Variants in GRIK4 observed in about 807,000 individuals in gnomAD.
GRIK4 encodes the protein glutamate receptor ionotropic, kainate 4.
A neutral mutation model predicts 104.9 loss-of-function variants in GRIK4; 40 were observed. The ratio of observed to expected loss-of-function variants is 0.38; its 90% CI spans 0.30 to 0.50. The LOEUF is 0.50. GRIK4 is among the 20% of genes least tolerant of loss of function. The pLI is 0.93. For synonymous variants in GRIK4, 485 were observed against 524.9 expected (o/e 0.92, Z 1.04); for missense variants, 1,047 against 1,308.1 (o/e 0.80, Z 3.08).
intron 3 of GRIK4, among the ~76,000 whole-genome samples, chr11:120,673,207 C>T (rs1478073304): frequency 6.6e-6 from 1 of 152,188 alleles, no homozygotes; most frequent in African/African-American, 2.4e-5. Context: ...TTGTTTAGTT[C>T]TCTGCTGTTT....
chr11:120,898,769 C>T (rs61409027), intron 12 of GRIK4, 130 bp downstream of exon 12: 114,031 of 632,646 alleles, frequency 0.18, 12,102 homozygotes, highest in East Asian at 0.45. Context: ...TTTATGACAG[C>T]GTAATTACAC....
intron 1 of GRIK4, among the ~76,000 whole-genome samples, chr11:120,553,346 G>C (rs1331192182): frequency 2.6e-5 from 4 of 152,206 alleles, no homozygotes; most frequent in Admixed American, 2.6e-4. Context: ...GGAAGAGTGG[G>C]AGGAGGGGCC....
chr11:120,590,747 T>C (rs148988154), intron 1 of GRIK4, among the ~76,000 whole-genome samples: 401 of 152,334 alleles, frequency 2.6e-3, no homozygotes, highest in South Asian at 5.2e-3. Flanking sequence ...TCCTTGCCTC[T>C]AGGCCTTGGC....
intron 3 of GRIK4, among the ~76,000 whole-genome samples, chr11:120,732,165 T>C (rs1209108134): frequency 6.6e-6 from 1 of 152,150 alleles, no homozygotes; most frequent in Non-Finnish European, 1.5e-5. Context: ...AGAGTCTCAC[T>C]CTGTTGCCCA....
chr11:120,896,049 A>G (rs947010050), intron 11 of GRIK4, among the ~76,000 whole-genome samples: 10 of 152,184 alleles, frequency 6.6e-5, no homozygotes, highest in East Asian at 1.9e-4. Context: ...CTGATAGACA[A>G]TGGTTTTCCC....
intron 3 of GRIK4, among the ~76,000 whole-genome samples, chr11:120,685,445 C>T (rs1049528159): frequency 1.3e-5 from 2 of 152,178 alleles, no homozygotes; most frequent in Non-Finnish European, 2.9e-5. Context: ...TACCCCTCAC[C>T]TGCCAGAGAT....
chr11:120,960,861 C>G, intron 16 of GRIK4, 48 bp from the exon 17 acceptor site: 1 of 1,534,274 alleles, frequency 6.5e-7, no homozygotes, highest in Non-Finnish European at 9.0e-7. Flanking sequence ...GGCCAAGACT[C>G]CAGGGAGTGC....
chr11:120,610,234 C>T (rs1483862993), intron 1 of GRIK4, among the ~76,000 whole-genome samples: 2 of 152,200 alleles, frequency 1.3e-5, no homozygotes, highest in African/African-American at 4.8e-5. Context: ...TTGCTCCCTT[C>T]CCCCAGAACA....
chr11:120,566,994 T>TTTTTG (rs1948334928), intron 1 of GRIK4, among the ~76,000 whole-genome samples: 1 of 141,550 alleles, frequency 7.1e-6, no homozygotes, highest in African/African-American at 2.7e-5. Context: ...TTTTTTTTTT[T>TTTTTG]GAGACAAGGT....
At chr11:120,968,629 G>T (rs1944423732) in intron 19 of GRIK4, among the ~76,000 whole-genome samples, 1 of 152,152 alleles carries the variant, frequency 6.6e-6, no homozygotes, top group Non-Finnish European at 1.5e-5. Flanking sequence ...TAAAGGAAAT[G>T]CTGCCCTCAG....
At chr11:120,574,933 G>A (rs1428464499) in intron 1 of GRIK4, among the ~76,000 whole-genome samples, 1 of 152,184 alleles carries the variant, frequency 6.6e-6, no homozygotes, top group Non-Finnish European at 1.5e-5. Context: ...CTGACCTCAA[G>A]GAATGTCTAA....
In GRIK4 at chr11:120,883,767, T is replaced by G. The variant is rs189764758; in HGVS notation, c.1164+8524T>G. Among the ~76,000 whole-genome samples the G allele has an allele frequency of 8.6e-4, 131 of 152,370 alleles. 1 individual carries two copies. Among genetic ancestry groups the G allele is most frequent in the Non-Finnish European group, 4.1e-4 (28 of 68,036 alleles). On this transcript the variant is annotated intron_variant, in intron 11 of 20. Transcript: ENST00000527524. ...TGGGCAGAAGAGCAGGGTTTTAAAG[T>G]GCTGCATTTTAAATGTATTTCTTAT... is the stretch of plus-strand genomic sequence containing the variant.
chr11:120,756,068 G>A (rs898982808), intron 3 of GRIK4, among the ~76,000 whole-genome samples: 4 of 152,154 alleles, frequency 2.6e-5, no homozygotes, highest in African/African-American at 4.8e-5. Flanking sequence ...TAAGCTTGGT[G>A]TCCCTCATCA....
chr11:120,860,914 C>T (rs534209007), intron 8 of GRIK4, among the ~76,000 whole-genome samples: 2 of 152,168 alleles, frequency 1.3e-5, no homozygotes, highest in East Asian at 3.9e-4. Context: ...GGTCTGGTCT[C>T]TGCTGACTGC....
intron 3 of GRIK4, among the ~76,000 whole-genome samples, chr11:120,680,574 A>C (rs2135285576): frequency 6.6e-6 from 1 of 152,250 alleles, no homozygotes; most frequent in East Asian, 1.9e-4. Context: ...GTAGGTGTTC[A>C]GTAAACATTA....
chr11:120,748,466 T>C (rs1297628036), intron 3 of GRIK4, among the ~76,000 whole-genome samples: 2 of 152,238 alleles, frequency 1.3e-5, no homozygotes, highest in East Asian at 3.9e-4. Flanking sequence ...GGACAGCCTC[T>C]GCTACCAGAC....
chr11:120,536,899 C>T (rs979371473), intron 1 of GRIK4, among the ~76,000 whole-genome samples: 2 of 152,222 alleles, frequency 1.3e-5, no homozygotes, highest in African/African-American at 2.4e-5. Context: ...GGCTGACCAC[C>T]AGCTCTGCCC....
intron 11 of GRIK4, among the ~76,000 whole-genome samples, chr11:120,892,698 T>TG (rs1174678034): frequency 3.9e-5 from 6 of 152,158 alleles, no homozygotes; most frequent in African/African-American, 1.2e-4. Flanking sequence ...TATATTGACC[T>TG]GGGGTCACAC....
intron 11 of GRIK4, among the ~76,000 whole-genome samples, chr11:120,876,324 A>T (rs1328107528): frequency 6.9e-6 from 1 of 143,904 alleles, no homozygotes; most frequent in African/African-American, 2.6e-5. Context: ...CACTACCACC[A>T]TTATCACTAC....
Sources: gnomAD v4.1 joint callset for allele counts (sites outside exome capture counted in the v4.1 genomes callset) on GRCh38, gnomAD v4.1.1 for gene constraint, MANE v1.5 for transcripts, NCBI Gene and HGNC (gene_info 2026-07-23, HGNC 2026-07-21) for gene names.